The following HHIP variants were observed in gnomAD, a reference collection of about 807,000 sequenced individuals.
The protein encoded by HHIP is hedgehog interacting protein, also known as hedgehog-interacting protein.
A neutral mutation model predicts 74.0 loss-of-function variants in HHIP; 12 were observed. The ratio of observed to expected loss-of-function variants is 0.16; its 90% CI spans 0.10 to 0.26. The LOEUF (loss-of-function observed/expected upper bound fraction) is 0.26, where lower values mean the gene tolerates loss of function less well. Ranked by LOEUF, HHIP falls within the 10% of genes least tolerant of loss-of-function variation. The pLI is 1.00. For synonymous variants in HHIP, 309 were observed against 311.6 expected (o/e 0.99, Z 0.09); for missense variants, 788 against 845.0 (o/e 0.93, Z 0.84).
In HHIP at chr4:144,740,114, A is replaced by G. The variant is rs1731226678; in HGVS notation, c.*2157A>G. 6.6e-6 allele frequency: 1 copy of G among 152,170 alleles called. No homozygotes were observed. Among genetic ancestry groups the G allele is most frequent in the Non-Finnish European group, 1.5e-5 (1 of 68,032 alleles). 9.4% of individuals were successfully genotyped at this position (152,170 alleles called of 1,614,324 possible). A position where few individuals can be genotyped will look rare whatever the true frequency, so the allele number is the denominator to read the frequency against. On this transcript the variant is annotated 3_prime_UTR_variant, in exon 13 of 13. Coordinates refer to ENST00000296575, the MANE Select transcript of HHIP (RefSeq NM_022475.3). ...GGAGCCAGCTGTCTAAATCTGTCAA[A>G]TCGTGCAGTTTTATTACACATTCTC...
Position 144,744,539 on chromosome 4 carries a change from T to G in HHIP, c.*6582T>G, listed in dbSNP as rs1436049082. On this transcript the variant is annotated 3_prime_UTR_variant, in exon 13 of 13. Transcript: ENST00000296575. ...GTACAAGTTTAAGGGAGCAGGGCTA[T>G]CATATGTACTAGGTGAGATTTCTAT... 2.0e-5 allele frequency: 3 copies of G among 152,196 alleles called. No homozygotes were observed. The highest frequency in any genetic ancestry group is 7.2e-5 in the African/African-American group (3 of 41,450). The allele number at this position is 152,196 out of a possible 1,614,324, so 9.4% of individuals were successfully genotyped here.
At chr4:144,666,593 T>C (rs1044003258) in intron 4 of HHIP, among the ~76,000 whole-genome samples, 19 of 152,142 alleles carry the variant, frequency 1.2e-4, no homozygotes, top group Admixed American at 6.5e-5. Context: ...TCAAATGCAG[T>C]TTGTCTGACA....
At chr4:144,711,485 C>T (rs1730301864) in intron 7 of HHIP, among the ~76,000 whole-genome samples, 1 of 151,986 alleles carries the variant, frequency 6.6e-6, no homozygotes. Context: ...GCTCTTCGTC[C>T]CCCTGCACCC....
At chr4:144,722,588 C>T (rs1432539911) in intron 11 of HHIP, among the ~76,000 whole-genome samples, 5 of 152,074 alleles carry the variant, frequency 3.3e-5, no homozygotes, top group Non-Finnish European at 7.4e-5. Flanking sequence ...TGTGGTGGCC[C>T]ACGCCTGTAA....
At position 144,715,325 on chromosome 4, in the gene HHIP, C is replaced by T. The variant is rs754704399; in HGVS notation, c.1573C>T (p.Pro525Ser). The change falls in exon 10 of 13, where the codon CCT becomes TCT. Residue 525 changes from proline (P) to serine (S), a missense_variant. Transcript: ENST00000296575. ...GAATTTCCTAACTCTCCAGCAAAGT[C>T]CTGTGACAAAGCAGTGGCAAGAAAA... Reference protein sequence around the residue: ...NGNFLTLQQSPVTKQWQEKPL... With the variant: ...NGNFLTLQQSSVTKQWQEKPL... The T allele has an allele frequency of 6.2e-7, 1 of 1,613,270 alleles. No individual in the cohort carries two copies. Among genetic ancestry groups the T allele is most frequent in the Non-Finnish European group, 8.5e-7 (1 of 1,179,508 alleles).
At chr4:144,731,702 G>A (rs1202370382) in intron 11 of HHIP, among the ~76,000 whole-genome samples, 1 of 152,184 alleles carries the variant, frequency 6.6e-6, no homozygotes, top group Non-Finnish European at 1.5e-5. Flanking sequence ...TTACAGGTGT[G>A]AGCCACCGTA....
At chr4:144,709,423 C>T (rs1337342789) in intron 7 of HHIP, among the ~76,000 whole-genome samples, 1 of 152,164 alleles carries the variant, frequency 6.6e-6, no homozygotes, top group Admixed American at 6.5e-5. Context: ...GGAGCTTTCT[C>T]ACAACCTTCC....
intron 11 of HHIP, 89 bp from the exon 12 acceptor site, chr4:144,734,652 C>A: frequency 2.9e-6 from 3 of 1,040,278 alleles, no homozygotes; most frequent in Non-Finnish European, 2.7e-6. Flanking sequence ...AAGTAAGAGG[C>A]ATGCTTTGTA....
intron 4 of HHIP, among the ~76,000 whole-genome samples, chr4:144,672,922 C>G (rs902295890): frequency 7.2e-5 from 11 of 152,138 alleles, no homozygotes; most frequent in African/African-American, 2.7e-4. Context: ...GGCTGGAACT[C>G]CAGACCTCAG....
chr4:144,737,020 A>G (rs940584815), intron 12 of HHIP, among the ~76,000 whole-genome samples: 2 of 152,212 alleles, frequency 1.3e-5, no homozygotes, highest in Non-Finnish European at 2.9e-5. Flanking sequence ...TAATCAGAAA[A>G]TAGCAATTTA....
intron 2 of HHIP, among the ~76,000 whole-genome samples, chr4:144,658,438 T>C (rs7680782): frequency 0.53 from 80,253 of 151,028 alleles, 21,475 homozygotes; most frequent in South Asian, 0.73. Flanking sequence ...GGTGTGTTCT[T>C]GGTTCGCTCC....
chr4:144,709,098 T>C (rs1381044118), intron 7 of HHIP, among the ~76,000 whole-genome samples: 2 of 152,208 alleles, frequency 1.3e-5, no homozygotes, highest in African/African-American at 4.8e-5. Context: ...GCCACATCCA[T>C]TTATTCACTA....
intron 11 of HHIP, among the ~76,000 whole-genome samples, chr4:144,733,517 A>G (rs956385287): frequency 2.6e-5 from 4 of 152,194 alleles, no homozygotes; most frequent in African/African-American, 9.7e-5. Context: ...GGACATAACA[A>G]GGTAACCTAT....
At chr4:144,723,999 C>A (rs979832827) in intron 11 of HHIP, among the ~76,000 whole-genome samples, 1 of 151,926 alleles carries the variant, frequency 6.6e-6, no homozygotes, top group African/African-American at 2.4e-5. Context: ...TGCACAATAC[C>A]TTTTCATCTA....
rs1457949045 is a variant in HHIP, at chr4:144,741,122, T to G, written c.*3165T>G. 2 of 131,922 alleles carry G rather than the reference T, an allele frequency of 1.5e-5. No homozygotes were observed. The highest frequency in any genetic ancestry group is 5.6e-5 in the African/African-American group (2 of 35,864). The allele number at this position is 131,922 out of a possible 1,614,324, so 8.2% of individuals were successfully genotyped here. The stretch of plus-strand genomic sequence containing the variant: ...CATAACTTTTCTTCTTGGATTTTTT[T>G]CAATGTAATTATTGTAAAATATATT... On this transcript the variant is annotated 3_prime_UTR_variant, in exon 13 of 13. Coordinates refer to ENST00000296575, the MANE Select transcript of HHIP (RefSeq NM_022475.3).
At chr4:144,712,798 CT>C (rs1355064869) in intron 8 of HHIP, among the ~76,000 whole-genome samples, 1 of 151,888 alleles carries the variant, frequency 6.6e-6, no homozygotes, top group Non-Finnish European at 1.5e-5. Flanking sequence ...TTTCTATTTA[CT>C]CATTCAATAC....
intron 4 of HHIP, chr4:144,685,600 G>C (rs1729463777): frequency 6.6e-6 from 1 of 152,058 alleles, no homozygotes; most frequent in East Asian, 1.9e-4. Context: ...TACTTTCACA[G>C]GACCTTCTCA....
chr4:144,726,346 A>G (rs1359441429), intron 11 of HHIP, among the ~76,000 whole-genome samples: 1 of 152,134 alleles, frequency 6.6e-6, no homozygotes, highest in Non-Finnish European at 1.5e-5. Flanking sequence ...TGTGTTCAGT[A>G]TATTATATTT....
rs559600336 is a variant in HHIP, at chr4:144,682,522, A to G, written c.831+22684A>G. On this transcript the variant is annotated intron_variant, in intron 4 of 12. Transcript: ENST00000296575. ...TGTTCAATTTTCCTGTAAACTTGAA[A>G]CTTCTCTAAAAAATAAAGCTGTTAG... Among the ~76,000 whole-genome samples the G allele has an allele frequency of 5.3e-5, 8 of 152,324 alleles. No individual in the cohort carries two copies. In the East Asian group the frequency reaches 1.5e-3, roughly 29 times the overall value.
Sources: gnomAD v4.1 joint callset for allele counts (sites outside exome capture counted in the v4.1 genomes callset) on GRCh38, gnomAD v4.1.1 for gene constraint, MANE v1.5 for transcripts, NCBI Gene and HGNC (gene_info 2026-07-23, HGNC 2026-07-21) for gene names.